Variants in PDZRN4 observed in about 807,000 individuals in gnomAD.
PDZRN4 encodes the protein PDZ domain containing ring finger 4.
In PDZRN4, 70 loss-of-function variants were observed where a neutral mutation model predicts 99.0. The ratio of observed to expected loss-of-function variants is 0.71; its 90% CI spans 0.58 to 0.86. The LOEUF (loss-of-function observed/expected upper bound fraction) is 0.86, where lower values mean the gene tolerates loss of function less well. Among genes scored for constraint, PDZRN4 ranks in the 40% least tolerant of loss-of-function variants. The pLI is 0.00. For missense variants in PDZRN4, 1,474 were observed against 1,331.2 expected (o/e 1.11, Z -1.67); for synonymous variants, 551 against 501.6 (o/e 1.10, Z -1.32).
chr12:41,207,347 G>C (rs1950858137), intron 3 of PDZRN4, among the ~76,000 whole-genome samples: 1 of 151,620 alleles, frequency 6.6e-6, no homozygotes, highest in African/African-American at 2.4e-5. Context: ...GAATTTTAGA[G>C]TTGAAAAAAT....
chr12:41,375,644 A>T (rs1952073621), intron 3 of PDZRN4, among the ~76,000 whole-genome samples: 1 of 152,178 alleles, frequency 6.6e-6, no homozygotes, highest in Non-Finnish European at 1.5e-5. Flanking sequence ...TGTATAAAGT[A>T]TACAATATAA....
intron 3 of PDZRN4, among the ~76,000 whole-genome samples, chr12:41,318,067 T>C (rs1003771745): frequency 1.3e-5 from 2 of 152,186 alleles, no homozygotes; most frequent in Non-Finnish European, 2.9e-5. Flanking sequence ...GTACTTTTCA[T>C]GAAATTGCTT....
intron 3 of PDZRN4, among the ~76,000 whole-genome samples, chr12:41,354,786 G>A (rs972478161): frequency 1.3e-5 from 2 of 152,012 alleles, no homozygotes; most frequent in South Asian, 2.1e-4. Flanking sequence ...AGATATTAAA[G>A]GTTGGTATGG....
chr12:41,320,330 A>G (rs1951667485), intron 3 of PDZRN4, among the ~76,000 whole-genome samples: 1 of 152,152 alleles, frequency 6.6e-6, no homozygotes, highest in Admixed American at 6.5e-5. Context: ...TTGACATTTC[A>G]TCTCTCCTGA....
intron 3 of PDZRN4, among the ~76,000 whole-genome samples, chr12:41,498,868 C>T (rs1241455996): frequency 6.6e-6 from 1 of 152,076 alleles, no homozygotes; most frequent in Non-Finnish European, 1.5e-5. Context: ...GATGCAACTA[C>T]TTTTGATAGT....
intron 3 of PDZRN4, among the ~76,000 whole-genome samples, chr12:41,469,113 G>A (rs567347983): frequency 1.3e-5 from 2 of 152,248 alleles, no homozygotes; most frequent in African/African-American, 4.8e-5. Flanking sequence ...GAATGCTACA[G>A]TGAGATACTA....
chr12:41,338,894 T>C (rs1460276994), intron 3 of PDZRN4, among the ~76,000 whole-genome samples: 5 of 151,682 alleles, frequency 3.3e-5, no homozygotes, highest in African/African-American at 9.7e-5. Flanking sequence ...ATATCTACAA[T>C]GAAAACTAAA....
chr12:41,269,071 G>A (rs888596758), intron 3 of PDZRN4, among the ~76,000 whole-genome samples: 1 of 152,100 alleles, frequency 6.6e-6, no homozygotes, highest in South Asian at 2.1e-4. Context: ...CTAGAGCAAC[G>A]TAAAAGGAAA....
chr12:41,343,267 G>T (rs1016578114), intron 3 of PDZRN4, among the ~76,000 whole-genome samples: 6 of 151,824 alleles, frequency 4.0e-5, no homozygotes, highest in Non-Finnish European at 8.8e-5. Flanking sequence ...ATGATATTTT[G>T]TATTTCCGTG....
intron 3 of PDZRN4, among the ~76,000 whole-genome samples, chr12:41,439,714 C>T (rs1952661735): frequency 6.6e-6 from 1 of 152,094 alleles, no homozygotes; most frequent in Non-Finnish European, 1.5e-5. Context: ...TACCTGTACT[C>T]CTCCATATAT....
intron 3 of PDZRN4, among the ~76,000 whole-genome samples, chr12:41,318,542 G>A (rs542655995): frequency 6.6e-6 from 1 of 152,300 alleles, no homozygotes; most frequent in East Asian, 1.9e-4. Context: ...CTTGTGGTAA[G>A]TCAACATGGT....
intron 3 of PDZRN4, among the ~76,000 whole-genome samples, chr12:41,331,844 T>C (rs927133029): frequency 2.6e-5 from 4 of 151,998 alleles, no homozygotes; most frequent in Admixed American, 2.6e-4. Context: ...TTACCTCCCA[T>C]CCAGTCCCTC....
intron 3 of PDZRN4, among the ~76,000 whole-genome samples, chr12:41,381,057 C>G (rs1478470857): frequency 2.6e-5 from 4 of 152,072 alleles, no homozygotes; most frequent in Non-Finnish European, 5.9e-5. Flanking sequence ...CCACTGTCTG[C>G]TGAGGTTTCT....
intron 3 of PDZRN4, among the ~76,000 whole-genome samples, chr12:41,355,343 T>C (rs964998696): frequency 1.3e-5 from 2 of 152,040 alleles, no homozygotes; most frequent in Admixed American, 1.3e-4. Flanking sequence ...TTTGTTAGGA[T>C]GGGCCCTACC....
chr12:41,360,730 TTGAC>T (rs1404135881), intron 3 of PDZRN4, among the ~76,000 whole-genome samples: 14 of 151,986 alleles, frequency 9.2e-5, no homozygotes. Flanking sequence ...TGAAAGAAGC[TTGAC>T]TAAAAATTAC....
At chr12:41,527,719 G>C (rs1213890502) in intron 5 of PDZRN4, among the ~76,000 whole-genome samples, 1 of 152,188 alleles carries the variant, frequency 6.6e-6, no homozygotes, top group African/African-American at 2.4e-5. Flanking sequence ...TGTCCTCCTT[G>C]ATAAATGTTC....
At chr12:41,339,229 C>A (rs1270210882) in intron 3 of PDZRN4, among the ~76,000 whole-genome samples, 1 of 151,540 alleles carries the variant, frequency 6.6e-6, no homozygotes, top group African/African-American at 2.4e-5. Context: ...AAAACAAACA[C>A]ATAGACGAAT....
intron 3 of PDZRN4, among the ~76,000 whole-genome samples, chr12:41,267,730 A>G (rs1189639444): frequency 2.6e-5 from 4 of 151,820 alleles, no homozygotes; most frequent in East Asian, 1.9e-4. Context: ...AATCTCAGCT[A>G]TTTAAGAGGC....
At chr12:41,328,992 A>G (rs1951726829) in intron 3 of PDZRN4, among the ~76,000 whole-genome samples, 1 of 152,148 alleles carries the variant, frequency 6.6e-6, no homozygotes, top group South Asian at 2.1e-4. Flanking sequence ...TGGGCACTAT[A>G]AAACAGAATG....
Sources: gnomAD v4.1 joint callset for allele counts (sites outside exome capture counted in the v4.1 genomes callset) on GRCh38, gnomAD v4.1.1 for gene constraint, MANE v1.5 for transcripts, NCBI Gene and HGNC (gene_info 2026-07-23, HGNC 2026-07-21) for gene names.